Variants in CDC42BPA observed in about 807,000 individuals in gnomAD.
The protein encoded by CDC42BPA is serine/threonine-protein kinase MRCK alpha.
Under a neutral mutation model 223.5 loss-of-function variants are expected in CDC42BPA, and 80 were observed. The observed-to-expected ratio is 0.36, with a 90% confidence interval of 0.30 to 0.43. The LOEUF is 0.43. CDC42BPA is among the 20% of genes least tolerant of loss of function. The pLI is 1.00. For synonymous variants in CDC42BPA, 694 were observed against 718.6 expected, an observed-to-expected ratio of 0.97 and a Z score of 0.55; for missense variants, 1,743 against 2,099.9, an observed-to-expected ratio of 0.83 and a Z score of 3.32.
intron 1 of CDC42BPA, among the ~76,000 whole-genome samples, chr1:227,276,431 G>A (rs1355599966): frequency 1.3e-5 from 2 of 151,994 alleles, no homozygotes; most frequent in African/African-American, 4.8e-5. Context: ...CCTGGCAGCT[G>A]CCCCGTCCGG....
At chr1:227,101,299 C>T (rs1685015851) in intron 14 of CDC42BPA, 60 bp from the exon 15 acceptor site, 1 of 1,057,712 alleles carries the variant, frequency 9.5e-7, no homozygotes, top group African/African-American at 1.6e-5. Context: ...ATTTAAATAA[C>T]TTCTTTCTGT....
chr1:227,276,492 GT>G (rs1479475463), intron 1 of CDC42BPA, among the ~76,000 whole-genome samples: 1 of 150,282 alleles, frequency 6.7e-6, no homozygotes, highest in Non-Finnish European at 1.5e-5. Context: ...CGTTCGGGAG[GT>G]GGGGGGCAGC....
intron 16 of CDC42BPA, among the ~76,000 whole-genome samples, chr1:227,086,477 A>G (rs992861101): frequency 6.6e-6 from 1 of 152,084 alleles, no homozygotes; most frequent in East Asian, 1.9e-4. Context: ...ATCATCATCA[A>G]TAGTTGATAC....
At chr1:227,289,503 CTTATT>C (rs1689338870) in intron 1 of CDC42BPA, among the ~76,000 whole-genome samples, 1 of 152,306 alleles carries the variant, frequency 6.6e-6, no homozygotes, top group African/African-American at 2.4e-5. Flanking sequence ...ACAGCATCCT[CTTATT>C]TTCTTTATAG....
chr1:227,262,697 T>C (rs1684293625), intron 1 of CDC42BPA, among the ~76,000 whole-genome samples: 1 of 152,192 alleles, frequency 6.6e-6, no homozygotes. Flanking sequence ...AATGTTATTT[T>C]CACATCCGCA....
At chr1:227,283,642 A>G (rs1688353751) in intron 1 of CDC42BPA, among the ~76,000 whole-genome samples, 1 of 152,190 alleles carries the variant, frequency 6.6e-6, no homozygotes. Flanking sequence ...AGAAGTACGG[A>G]GGGTGGAAAA....
chr1:227,252,405 T>C (rs1572645318), intron 2 of CDC42BPA, among the ~76,000 whole-genome samples: 1 of 152,180 alleles, frequency 6.6e-6, no homozygotes, highest in East Asian at 1.9e-4. Flanking sequence ...TTTAAAACTT[T>C]TTCACTAGCA....
At chr1:227,147,910 T>G (rs1221782794) in intron 6 of CDC42BPA, among the ~76,000 whole-genome samples, 2 of 146,484 alleles carry the variant, frequency 1.4e-5, no homozygotes, top group Non-Finnish European at 3.0e-5. Flanking sequence ...AAAAAAAAAA[T>G]GAAACCGTCA....
chr1:227,017,788 T>C (rs906766325), intron 32 of CDC42BPA, among the ~76,000 whole-genome samples: 1 of 151,714 alleles, frequency 6.6e-6, no homozygotes, highest in Non-Finnish European at 1.5e-5. Flanking sequence ...AAGAAAAAAA[T>C]AGACAACTGT....
chr1:227,081,916 T>C (rs1680747512), intron 16 of CDC42BPA, among the ~76,000 whole-genome samples: 1 of 152,318 alleles, frequency 6.6e-6, no homozygotes, highest in South Asian at 2.1e-4. Flanking sequence ...TTCACAAATT[T>C]CCTAATATCA....
intron 22 of CDC42BPA, among the ~76,000 whole-genome samples, chr1:227,050,848 G>A (rs1223505052): frequency 1.3e-5 from 2 of 152,148 alleles, no homozygotes; most frequent in Non-Finnish European, 2.9e-5. Context: ...CGGTATACAC[G>A]AGGATGTTTC....
chr1:227,267,142 T>G (rs1572734398), intron 1 of CDC42BPA, among the ~76,000 whole-genome samples: 1 of 152,234 alleles, frequency 6.6e-6, no homozygotes, highest in Admixed American at 6.5e-5. Flanking sequence ...ATGCTTAATT[T>G]ATGCATTTTT....
At chr1:227,132,435 C>T (rs1657341223) in intron 10 of CDC42BPA, among the ~76,000 whole-genome samples, 1 of 148,172 alleles carries the variant, frequency 6.7e-6, no homozygotes, top group East Asian at 2.0e-4. Context: ...ACTCAGTGCT[C>T]AATGGTGCCC....
At chr1:227,093,272 A>G (rs1683411791) in intron 15 of CDC42BPA, among the ~76,000 whole-genome samples, 1 of 152,218 alleles carries the variant, frequency 6.6e-6, no homozygotes, top group Non-Finnish European at 1.5e-5. Context: ...CACAAGAACA[A>G]TGTTTCTCAG....
At chr1:227,034,575 G>A (rs963995571) in intron 26 of CDC42BPA, 80 bp downstream of exon 26, 1 of 1,294,624 alleles carries the variant, frequency 7.7e-7, no homozygotes, top group Non-Finnish European at 1.1e-6. Flanking sequence ...ATAAACCATG[G>A]CAACACAATT....
At position 227,058,808 on chromosome 1, in the gene CDC42BPA, G is replaced by A. The variant is rs116667570; in HGVS notation, c.2905-6823C>T. On this transcript the variant is annotated intron_variant, in intron 21 of 36. Transcript: ENST00000366766. ...TCTTGGAATTATCTTAGAATAGAAAGGCTTTATTATTAACATTATTTCCTC... is the reference window on the plus strand; with the variant it reads ...TCTTGGAATTATCTTAGAATAGAAAAGCTTTATTATTAACATTATTTCCTC... Among the ~76,000 whole-genome samples the A allele has an allele frequency of 3.7e-3, 558 of 151,340 alleles. 3 individuals carry two copies. The highest frequency in any genetic ancestry group is 0.012 in the African/African-American group (510 of 41,260).
At chr1:227,171,687 T>C (rs145866410) in intron 5 of CDC42BPA, among the ~76,000 whole-genome samples, 1 of 152,090 alleles carries the variant, frequency 6.6e-6, no homozygotes, top group Non-Finnish European at 1.5e-5. Context: ...TTTTTTTAAC[T>C]TCACTAGAAC....
rs534281326 is a variant in CDC42BPA at position 227,304,105 on chromosome 1, G to C, written c.178+12900C>G. On this transcript the variant is annotated intron_variant, in intron 1 of 36. Coordinates refer to ENST00000366766, the MANE Select transcript of CDC42BPA (RefSeq NM_001394014.1). ...GGATAATAAATGACTACTCATATAAGAAATCACTTTTGACCACATGTGGTG... is the reference window on the plus strand; with the variant it reads ...GGATAATAAATGACTACTCATATAACAAATCACTTTTGACCACATGTGGTG... Among the ~76,000 whole-genome samples, 60 of 152,246 alleles carry C rather than the reference G, an allele frequency of 3.9e-4. No homozygotes were observed. In the Middle Eastern group the frequency reaches 0.01, roughly 26 times the overall value.
chr1:227,264,822 G>C, intron 1 of CDC42BPA: 1 of 1,476,912 alleles, frequency 6.8e-7, no homozygotes, highest in Non-Finnish European at 9.4e-7. Context: ...TGCTTTTTTG[G>C]AATTGTGTAT....
Sources: allele counts gnomAD v4.1 joint callset (sites outside exome capture counted in the v4.1 genomes callset), GRCh38; gene constraint gnomAD v4.1.1; transcripts MANE v1.5; gene names NCBI Gene and HGNC (gene_info 2026-07-23, HGNC 2026-07-21).